The following UBE2D3 variants were observed in gnomAD, a reference collection of about 807,000 sequenced individuals.
The protein encoded by UBE2D3 is ubiquitin-conjugating enzyme E2 D3.
A neutral mutation model predicts 22.8 loss-of-function variants in UBE2D3; 2 were observed. The ratio of observed to expected loss-of-function variants is 0.09; its 90% CI spans 0.04 to 0.28. The LOEUF is 0.28. UBE2D3 is among the 10% of genes least tolerant of loss of function. The pLI is 1.00. For synonymous variants in UBE2D3, 56 were observed against 60.4 expected (o/e 0.93, Z 0.34); for missense variants, 27 against 182.5 (o/e 0.15, Z 4.91).
chr4:102,798,234 T>C (rs1020989019), intron 7 of UBE2D3, among the ~76,000 whole-genome samples: 3 of 126,494 alleles, frequency 2.4e-5, no homozygotes, highest in South Asian at 2.5e-4. Context: ...ACTCATGCCA[T>C]AGACTACTTA....
chr4:102,815,893 ACTTT>A (rs1728721708), intron 2 of UBE2D3, among the ~76,000 whole-genome samples: 1 of 152,116 alleles, frequency 6.6e-6, no homozygotes, highest in Non-Finnish European at 1.5e-5. Context: ...TTATTTCACC[ACTTT>A]CTTTCTTGCC....
chr4:102,867,113 G>T (rs144824940), intron 1 of UBE2D3, among the ~76,000 whole-genome samples: 177 of 152,266 alleles, frequency 1.2e-3, no homozygotes, highest in African/African-American at 4.2e-3. Flanking sequence ...AATTTCCATT[G>T]TAAGTTTTAC....
chr4:102,851,108 G>A (rs1375446398), intron 1 of UBE2D3, among the ~76,000 whole-genome samples: 1 of 152,172 alleles, frequency 6.6e-6, no homozygotes, highest in Non-Finnish European at 1.5e-5. Context: ...TACATAAAAT[G>A]TGTAATTTGT....
At chr4:102,800,598 A>C (rs1319359089) in intron 6 of UBE2D3, among the ~76,000 whole-genome samples, 2 of 152,062 alleles carry the variant, frequency 1.3e-5, no homozygotes, top group Admixed American at 6.6e-5. Context: ...AAGGTGAAAA[A>C]CAGGTGTAAA....
At chr4:102,857,968 A>G (rs1438514115) in intron 1 of UBE2D3, among the ~76,000 whole-genome samples, 2 of 152,002 alleles carry the variant, frequency 1.3e-5, no homozygotes, top group East Asian at 3.8e-4. Context: ...CTGGGGTTAC[A>G]GGCATGAGCC....
intron 1 of UBE2D3, 62 bp downstream of exon 1, chr4:102,827,365 T>A: frequency 1.0e-6 from 1 of 985,286 alleles, no homozygotes; most frequent in Non-Finnish European, 1.2e-6. Flanking sequence ...CTGCCCCTCT[T>A]ACCCGGCCGG....
At chr4:102,798,405 C>G (rs1160837215) in intron 7 of UBE2D3, among the ~76,000 whole-genome samples, 13 of 150,750 alleles carry the variant, frequency 8.6e-5, no homozygotes, top group Non-Finnish European at 1.5e-4. Context: ...TTCTTTCTAC[C>G]AATTCATTGT....
At chr4:102,839,980 C>G (rs1217929006) in intron 1 of UBE2D3, among the ~76,000 whole-genome samples, 2 of 152,172 alleles carry the variant, frequency 1.3e-5, no homozygotes, top group Non-Finnish European at 2.9e-5. Context: ...TGTGAATAGA[C>G]ATTTCTCAGA....
intron 2 of UBE2D3, among the ~76,000 whole-genome samples, chr4:102,824,951 TTTTC>T (rs766695525): frequency 2.6e-4 from 40 of 152,356 alleles, no homozygotes; most frequent in Non-Finnish European, 5.4e-4. Flanking sequence ...TTTCTTCCTC[TTTTC>T]TTTCATTTCA....
At chr4:102,841,628 C>T (rs1731761416) in intron 1 of UBE2D3, among the ~76,000 whole-genome samples, 1 of 152,028 alleles carries the variant, frequency 6.6e-6, no homozygotes, top group African/African-American at 2.4e-5. Flanking sequence ...TATGTAATCC[C>T]TCTGAGTTAA....
intron 2 of UBE2D3, chr4:102,811,982 G>A (rs1728118388): frequency 5.5e-6 from 1 of 181,992 alleles, no homozygotes; most frequent in South Asian, 7.7e-5. Flanking sequence ...ATAACTACAG[G>A]AATTTAAAAA....
intron 4 of UBE2D3, among the ~76,000 whole-genome samples, chr4:102,807,551 A>T (rs763182408): frequency 1.3e-5 from 2 of 152,202 alleles, no homozygotes; most frequent in Admixed American, 1.3e-4. Context: ...GTTGTGGTTA[A>T]TCAGGTTAAT....
chr4:102,806,929 A>G (rs190246102), intron 4 of UBE2D3, among the ~76,000 whole-genome samples: 32 of 152,318 alleles, frequency 2.1e-4, no homozygotes, highest in Admixed American at 1.8e-3. Context: ...GTGCTTCCGA[A>G]GTAGCTTACC....
intron 4 of UBE2D3, among the ~76,000 whole-genome samples, chr4:102,804,057 C>T (rs1726626526): frequency 6.6e-6 from 1 of 152,106 alleles, no homozygotes. Flanking sequence ...GTGTGAGCTA[C>T]TGTACCCAGC....
At chr4:102,867,606 G>A (rs146712590) in intron 1 of UBE2D3, among the ~76,000 whole-genome samples, 333 of 152,240 alleles carry the variant, frequency 2.2e-3, no homozygotes, top group African/African-American at 6.6e-3. Flanking sequence ...CAGCCTGGGC[G>A]ATATAATGGG....
At chr4:102,808,479 A>C (rs945059213) in intron 4 of UBE2D3, among the ~76,000 whole-genome samples, 1 of 152,224 alleles carries the variant, frequency 6.6e-6, no homozygotes, top group African/African-American at 2.4e-5. Flanking sequence ...AGGACGTTTC[A>C]AAGTATTAAA....
At chr4:102,829,807 C>T (rs1204454061), upstream of UBE2D3, among the ~76,000 whole-genome samples, 1 of 151,860 alleles carries the variant, frequency 6.6e-6, no homozygotes, top group Admixed American at 6.6e-5. Context: ...GGCGTAGTGG[C>T]GGGCGCCTGT....
At chr4:102,831,155 T>C (rs998982284), upstream of UBE2D3, among the ~76,000 whole-genome samples, 4 of 152,228 alleles carry the variant, frequency 2.6e-5, no homozygotes, top group African/African-American at 9.6e-5. Context: ...AATTAAATTG[T>C]AAATGCTACG....
intron 4 of UBE2D3, chr4:102,809,086 G>A (rs551432742): frequency 4.4e-5 from 10 of 227,078 alleles, no homozygotes; most frequent in Non-Finnish European, 6.8e-5. Flanking sequence ...GTTTTAGTGC[G>A]CTCTAATTCT....
Sources: gnomAD v4.1 joint callset for allele counts (sites outside exome capture counted in the v4.1 genomes callset) on GRCh38, gnomAD v4.1.1 for gene constraint, MANE v1.5 for transcripts, NCBI Gene and HGNC (gene_info 2026-07-23, HGNC 2026-07-21) for gene names.